CCSER1: variants seen among roughly 807,000 people sequenced by gnomAD.
CCSER1 encodes coiled-coil serine rich protein 1, also known as serine-rich coiled-coil domain-containing protein 1.
Under a neutral mutation model 82.0 loss-of-function variants are expected in CCSER1, and 41 were observed. That is an observed-to-expected ratio of 0.50 (90% CI 0.39 to 0.65). CCSER1 has a LOEUF of 0.65. Ranked by LOEUF, CCSER1 falls within the 30% of genes least tolerant of loss-of-function variation. The pLI is 0.00. For missense variants in CCSER1, 1,119 were observed against 1,064.2 expected, an observed-to-expected ratio of 1.05 and a Z score of -0.72; for synonymous variants, 414 against 383.9, an observed-to-expected ratio of 1.08 and a Z score of -0.92.
chr4:90,386,645 G>T (rs2153535274), intron 3 of CCSER1, among the ~76,000 whole-genome samples: 1 of 152,178 alleles, frequency 6.6e-6, no homozygotes, highest in South Asian at 2.1e-4. Flanking sequence ...TAAATAAGTA[G>T]GACCAAATTA....
chr4:90,920,538 T>TCAGTTC (rs1728220507), intron 8 of CCSER1, among the ~76,000 whole-genome samples: 1 of 151,966 alleles, frequency 6.6e-6, no homozygotes, highest in Non-Finnish European at 1.5e-5. Flanking sequence ...TCCATATCAC[T>TCAGTTC]CAGTTCCACT....
intron 9 of CCSER1, among the ~76,000 whole-genome samples, chr4:91,042,276 G>A (rs960346985): frequency 2.0e-5 from 3 of 152,096 alleles, no homozygotes; most frequent in Non-Finnish European, 2.9e-5. Flanking sequence ...TGCATCCAGC[G>A]TTCATTCGCC....
At chr4:90,534,058 C>T (rs1481603907) in intron 5 of CCSER1, among the ~76,000 whole-genome samples, 1 of 152,208 alleles carries the variant, frequency 6.6e-6, no homozygotes, top group Non-Finnish European at 1.5e-5. Context: ...AAATATGTTG[C>T]TTAAGCAGTT....
At chr4:90,579,713 A>G (rs1297300078) in intron 5 of CCSER1, among the ~76,000 whole-genome samples, 1 of 152,132 alleles carries the variant, frequency 6.6e-6, no homozygotes, top group Non-Finnish European at 1.5e-5. Flanking sequence ...CAGTCAAATC[A>G]TTTTATAAAT....
At chr4:91,341,444 C>T (rs1257588406) in intron 10 of CCSER1, among the ~76,000 whole-genome samples, 1 of 152,114 alleles carries the variant, frequency 6.6e-6, no homozygotes, top group Non-Finnish European at 1.5e-5. Context: ...TTAAAAGTAG[C>T]TTTAATGGTT....
rs545502860 is a variant in CCSER1, at chr4:91,297,264, C to G, written c.2217+211270C>G. On this transcript the variant is annotated intron_variant, in intron 10 of 10. Coordinates refer to ENST00000509176, the MANE Select transcript of CCSER1 (RefSeq NM_001145065.2). ...AAAAAAGACAGATACATTTTAAAAA[C>G]AGGCTGCAGAAACAGCAAGAGCAGG... Among the ~76,000 whole-genome samples, 3 of 151,780 alleles carry G rather than the reference C, an allele frequency of 2.0e-5. No individual in the cohort carries two copies. In the South Asian group the frequency reaches 6.2e-4, roughly 32 times the overall value.
chr4:91,413,038 A>C (rs1753152262), intron 10 of CCSER1, among the ~76,000 whole-genome samples: 1 of 152,188 alleles, frequency 6.6e-6, no homozygotes, highest in Non-Finnish European at 1.5e-5. Flanking sequence ...AAGCCATAAA[A>C]AAAGAAACCC....
intron 10 of CCSER1, among the ~76,000 whole-genome samples, chr4:91,483,259 A>G (rs1371439688): frequency 6.6e-6 from 1 of 152,104 alleles, no homozygotes; most frequent in Non-Finnish European, 1.5e-5. Flanking sequence ...CTAGAGAAAA[A>G]CAGCCAAAAG....
intron 6 of CCSER1, among the ~76,000 whole-genome samples, chr4:90,646,462 C>T (rs904441834): frequency 1.3e-5 from 2 of 151,996 alleles, no homozygotes; most frequent in African/African-American, 4.8e-5. Flanking sequence ...AAACAAACAC[C>T]TTAAATGCAT....
intron 6 of CCSER1, among the ~76,000 whole-genome samples, chr4:90,702,868 T>C (rs2149284943): frequency 6.6e-6 from 1 of 152,288 alleles, no homozygotes; most frequent in Admixed American, 6.5e-5. Context: ...TCTCTTTTCT[T>C]CTTTATTAGT....
At chr4:91,408,613 T>C (rs931365245) in intron 10 of CCSER1, among the ~76,000 whole-genome samples, 1 of 152,224 alleles carries the variant, frequency 6.6e-6, no homozygotes, top group Non-Finnish European at 1.5e-5. Context: ...TAGGTGTTCA[T>C]AGTCATCTAA....
At chr4:91,440,619 CA>C (rs1755055102) in intron 10 of CCSER1, among the ~76,000 whole-genome samples, 1 of 152,036 alleles carries the variant, frequency 6.6e-6, no homozygotes, top group Non-Finnish European at 1.5e-5. Flanking sequence ...TAACTAAAAT[CA>C]GAGCAGAACT....
At chr4:91,025,448 G>A (rs896096949) in intron 9 of CCSER1, among the ~76,000 whole-genome samples, 1 of 152,000 alleles carries the variant, frequency 6.6e-6, no homozygotes, top group Non-Finnish European at 1.5e-5. Context: ...TGATGTGCTG[G>A]CACTTTTAGA....
intron 10 of CCSER1, among the ~76,000 whole-genome samples, chr4:91,537,137 G>T (rs568999398): frequency 6.6e-6 from 1 of 151,928 alleles, no homozygotes; most frequent in Non-Finnish European, 1.5e-5. Context: ...TAAAAGGCTC[G>T]AACACATTAG....
At chr4:90,377,925 T>G (rs1748620259) in intron 3 of CCSER1, among the ~76,000 whole-genome samples, 1 of 152,130 alleles carries the variant, frequency 6.6e-6, no homozygotes, top group Admixed American at 6.6e-5. Context: ...ATAGAAATAG[T>G]GTCATTGTCT....
At chr4:90,368,928 C>A (rs532204471) in intron 3 of CCSER1, among the ~76,000 whole-genome samples, 1 of 151,734 alleles carries the variant, frequency 6.6e-6, no homozygotes, top group Non-Finnish European at 1.5e-5. Context: ...GAAATACAAA[C>A]CCTTAACCAT....
intron 4 of CCSER1, among the ~76,000 whole-genome samples, chr4:90,435,611 T>C (rs897637442): frequency 6.6e-6 from 1 of 152,118 alleles, no homozygotes; most frequent in African/African-American, 2.4e-5. Flanking sequence ...CTTAATTAAG[T>C]TTGAATCTCT....
intron 4 of CCSER1, among the ~76,000 whole-genome samples, chr4:90,418,416 C>T (rs1756141448): frequency 6.6e-6 from 1 of 151,900 alleles, no homozygotes; most frequent in Non-Finnish European, 1.5e-5. Flanking sequence ...TGCCACAGCA[C>T]ATGCAACTAA....
At chr4:90,188,308 G>A (rs1734990007) in intron 1 of CCSER1, among the ~76,000 whole-genome samples, 2 of 151,666 alleles carry the variant, frequency 1.3e-5, no homozygotes, top group Non-Finnish European at 2.9e-5. Flanking sequence ...ATATATAGTA[G>A]CAGTCATATC....
Sources: allele counts gnomAD v4.1 joint callset (sites outside exome capture counted in the v4.1 genomes callset), GRCh38; gene constraint gnomAD v4.1.1; transcripts MANE v1.5; gene names NCBI Gene and HGNC (gene_info 2026-07-23, HGNC 2026-07-21).